The following PIGL variants were observed in gnomAD, a reference collection of about 807,000 sequenced individuals.
PIGL encodes phosphatidylinositol glycan anchor biosynthesis class L.
Under a neutral mutation model 31.1 loss-of-function variants are expected in PIGL, and 22 were observed. That is an observed-to-expected ratio of 0.71 (90% CI 0.51 to 1.01). The LOEUF is 1.01. Ranked by LOEUF, PIGL falls within the 50% of genes least tolerant of loss-of-function variation. PIGL has a pLI of 0.00. For missense variants in PIGL, 302 were observed against 315.9 expected, an observed-to-expected ratio of 0.96 and a Z score of 0.33; for synonymous variants, 131 against 117.4, an observed-to-expected ratio of 1.12 and a Z score of -0.75.
intron 2 of PIGL, among the ~76,000 whole-genome samples, chr17:16,240,681 G>A (rs945677538): frequency 5.3e-5 from 8 of 149,890 alleles, no homozygotes; most frequent in African/African-American, 2.0e-4. Flanking sequence ...TTTTTTTTTC[G>A]GTAGAGATGG....
At chr17:16,251,141 A>C (rs2092769346) in intron 2 of PIGL, among the ~76,000 whole-genome samples, 1 of 152,170 alleles carries the variant, frequency 6.6e-6, no homozygotes, top group Non-Finnish European at 1.5e-5. Context: ...TATTTGAAAG[A>C]CGAGCTGGGC....
chr17:16,266,787 C>T (rs979732757), intron 2 of PIGL, among the ~76,000 whole-genome samples: 2 of 151,566 alleles, frequency 1.3e-5, no homozygotes, highest in African/African-American at 2.4e-5. Flanking sequence ...TTAGTAGAGA[C>T]GGGGTTTCAC....
chr17:16,289,459 A>G (rs1331155263), intron 2 of PIGL, among the ~76,000 whole-genome samples: 3 of 152,190 alleles, frequency 2.0e-5, no homozygotes, highest in African/African-American at 7.2e-5. Context: ...TCAGTCCTCC[A>G]TATCCATCTG....
intron 1 of PIGL, among the ~76,000 whole-genome samples, chr17:16,227,079 G>A (rs1199037053): frequency 6.6e-6 from 1 of 151,988 alleles, no homozygotes; most frequent in Non-Finnish European, 1.5e-5. Context: ...GAACTTATTA[G>A]GGGTTATTTT....
chr17:16,317,869 C>T lies in PIGL; in HGVS notation c.621C>T (p.Val207=), dbSNP rs1325778558. ...LPLSLLHTQD[V]LFVLNSKEVA... ...TGTCTCTGCTTCATACGCAGGATGT[C>T]CTCTTCGTGCTCAACAGCAAAGAAG... Residue 207 remains valine, a synonymous_variant, in exon 6 of 7, where the codon GTC becomes GTT. Transcript: ENST00000225609. 6.2e-7 allele frequency: 1 copy of T among 1,613,972 alleles called. No individual in the cohort carries two copies. Among genetic ancestry groups the T allele is most frequent in the East Asian group, 2.2e-5 (1 of 44,878 alleles).
intron 2 of PIGL, among the ~76,000 whole-genome samples, chr17:16,246,814 T>C (rs2092750319): frequency 6.7e-6 from 1 of 149,682 alleles, no homozygotes; most frequent in Non-Finnish European, 1.5e-5. Context: ...GCCTCCCGAG[T>C]AGCTGGGACT....
intron 1 of PIGL, among the ~76,000 whole-genome samples, chr17:16,225,256 A>G (rs1162609719): frequency 6.6e-6 from 1 of 151,646 alleles, no homozygotes; most frequent in Non-Finnish European, 1.5e-5. Context: ...TTAAACATTT[A>G]TATCTGCTTC....
chr17:16,296,762 G>A (rs1568830320), intron 2 of PIGL, among the ~76,000 whole-genome samples: 1 of 151,652 alleles, frequency 6.6e-6, no homozygotes. Flanking sequence ...TGTTGCCCAG[G>A]CTGGAGTGCA....
intron 2 of PIGL, among the ~76,000 whole-genome samples, chr17:16,291,162 T>C (rs1360526348): frequency 6.6e-6 from 1 of 152,224 alleles, no homozygotes; most frequent in Non-Finnish European, 1.5e-5. Flanking sequence ...TATAAGTCCA[T>C]GTGTACTAAG....
At chr17:16,286,501 T>G (rs149508041) in intron 2 of PIGL, among the ~76,000 whole-genome samples, 3 of 152,260 alleles carry the variant, frequency 2.0e-5, no homozygotes, top group African/African-American at 7.2e-5. Flanking sequence ...CATTAGAATG[T>G]GTAGGAAAGG....
intron 3 of PIGL, among the ~76,000 whole-genome samples, chr17:16,300,934 T>C (rs2093002059): frequency 6.6e-6 from 1 of 152,178 alleles, no homozygotes; most frequent in Non-Finnish European, 1.5e-5. Context: ...TCTCAGCTCT[T>C]CTAGGATCAG....
At chr17:16,217,630 C>CACATCTTCT in intron 1 of PIGL, 169 bp downstream of exon 1, 2 of 540,662 alleles carry the variant, frequency 3.7e-6, no homozygotes, top group Non-Finnish European at 6.4e-6. Flanking sequence ...GGCCGGCTTA[C>CACATCTTCT]CTGGTGGGTT....
At chr17:16,259,901 C>G (rs1004519074) in intron 2 of PIGL, among the ~76,000 whole-genome samples, 4 of 152,330 alleles carry the variant, frequency 2.6e-5, no homozygotes, top group African/African-American at 9.6e-5. Flanking sequence ...CTCAGGAAGC[C>G]CCCTGCCCCC....
chr17:16,285,954 A>G (rs1032317595), intron 2 of PIGL, among the ~76,000 whole-genome samples: 6 of 152,248 alleles, frequency 3.9e-5, no homozygotes, highest in African/African-American at 1.2e-4. Flanking sequence ...CCCTCAGACC[A>G]GGAGACAGTT....
chr17:16,277,210 C>T (rs958983116), intron 2 of PIGL, among the ~76,000 whole-genome samples: 7 of 152,138 alleles, frequency 4.6e-5, no homozygotes, highest in African/African-American at 1.4e-4. Context: ...AGTTTGATTC[C>T]TTAAAGGAAA....
chr17:16,226,108 T>G (rs1252506402), intron 1 of PIGL, among the ~76,000 whole-genome samples: 1 of 152,038 alleles, frequency 6.6e-6, no homozygotes, highest in African/African-American at 2.4e-5. Flanking sequence ...AGTTTGCGAC[T>G]AGAGTAAGCT....
intron 2 of PIGL, among the ~76,000 whole-genome samples, chr17:16,265,915 C>T (rs2092840594): frequency 6.6e-6 from 1 of 152,016 alleles, no homozygotes; most frequent in South Asian, 2.1e-4. Flanking sequence ...TAGGAATCAT[C>T]CCATCCCTGG....
intron 6 of PIGL, among the ~76,000 whole-genome samples, chr17:16,318,821 C>A (rs903857559): frequency 6.6e-6 from 1 of 151,646 alleles, no homozygotes; most frequent in Non-Finnish European, 1.5e-5. Context: ...GTTCCAGCTA[C>A]TTGGGAGGCT....
At chr17:16,221,748 T>G (rs2092630407) in intron 1 of PIGL, among the ~76,000 whole-genome samples, 1 of 152,164 alleles carries the variant, frequency 6.6e-6, no homozygotes, top group African/African-American at 2.4e-5. Flanking sequence ...GCCTCCCAAG[T>G]AGCTGGGATT....
Sources: allele counts gnomAD v4.1 joint callset (sites outside exome capture counted in the v4.1 genomes callset), GRCh38; gene constraint gnomAD v4.1.1; transcripts MANE v1.5; gene names NCBI Gene and HGNC (gene_info 2026-07-23, HGNC 2026-07-21).